The following KLHL29 variants were observed in gnomAD, a reference collection of about 807,000 sequenced individuals.
The protein encoded by KLHL29 is kelch like family member 29.
Under a neutral mutation model 80.4 loss-of-function variants are expected in KLHL29, and 21 were observed. That is an observed-to-expected ratio of 0.26 (90% CI 0.19 to 0.38). KLHL29 has a LOEUF of 0.38. Among genes scored for constraint, KLHL29 ranks in the 10% least tolerant of loss-of-function variants. The probability of loss-of-function intolerance (pLI) is 1.00; values close to 1 mark genes in which losing one functional copy is unlikely to be tolerated. For missense variants in KLHL29, 867 were observed against 1,223.9 expected (o/e 0.71, Z 4.35); for synonymous variants, 511 against 526.8 (o/e 0.97, Z 0.41).
In KLHL29 at chr2:23,642,905, C is replaced by T. The variant is rs537270528; in HGVS notation, c.940+55C>T. ...GGGCCTGCGTCTGCACCTCCCTGCG[C>T]GGTCACTGCAACACCACCGGGACAG... is the stretch of plus-strand genomic sequence containing the variant. On this transcript the variant is annotated intron_variant, in intron 5 of 13. Transcript: ENST00000486442. 132 of 1,540,502 alleles carry T rather than the reference C, an allele frequency of 8.6e-5. 1 individual carries two copies. Among genetic ancestry groups the T allele is most frequent in the East Asian group, 3.2e-4 (13 of 40,850 alleles).
At chr2:23,643,561 C>A (rs1669837010) in intron 5 of KLHL29, 1 of 161,342 alleles carries the variant, frequency 6.2e-6, no homozygotes, top group Admixed American at 5.7e-5. Context: ...GCGTGCTAGA[C>A]ATGGTCCTAG....
Position 23,687,248 on chromosome 2 carries a change from C to T in KLHL29, c.1079+2711C>T, listed in dbSNP as rs1455530758. Reference sequence around the variant, plus strand: ...CCGTGGGGATCAACATTGGCCCTCCCTGGGTGAGCCCTGCCAGGGGCAGGT... The same window carrying T: ...CCGTGGGGATCAACATTGGCCCTCCTTGGGTGAGCCCTGCCAGGGGCAGGT... On this transcript the variant is annotated intron_variant, in intron 6 of 13. Coordinates refer to ENST00000486442, the MANE Select transcript of KLHL29 (RefSeq NM_052920.2). Among the ~76,000 whole-genome samples the T allele has an allele frequency of 3.3e-5, 5 of 152,222 alleles. No homozygotes were observed. In the East Asian group the frequency reaches 9.7e-4, roughly 30 times the overall value.
chr2:23,648,124 A>T (rs954360447), intron 5 of KLHL29, among the ~76,000 whole-genome samples: 1 of 151,492 alleles, frequency 6.6e-6, no homozygotes, highest in Non-Finnish European at 1.5e-5. Flanking sequence ...CCGACACCTG[A>T]CCCACGCCTC....
intron 6 of KLHL29, among the ~76,000 whole-genome samples, chr2:23,685,894 C>T (rs1192346210): frequency 1.3e-5 from 2 of 152,192 alleles, no homozygotes; most frequent in Non-Finnish European, 2.9e-5. Context: ...GGGCCTGGCT[C>T]CAAACCAGCT....
rs73919778 is a variant in KLHL29, at chr2:23,595,672, G to A, written c.285+33191G>A. Among the ~76,000 whole-genome samples, 974 of 152,264 alleles carry A rather than the reference G, an allele frequency of 6.4e-3. 6 individuals carry two copies. The highest frequency in any genetic ancestry group is 0.022 in the African/African-American group (923 of 41,558). On this transcript the variant is annotated intron_variant, in intron 3 of 13. Transcript: ENST00000486442. Reference sequence around the variant, plus strand: ...GAGGGGAGCAGTGTCCTGGTCACTTGGGGGGCAGAGGACGTGACCTCCTAG... The same window carrying A: ...GAGGGGAGCAGTGTCCTGGTCACTTAGGGGGCAGAGGACGTGACCTCCTAG...
Position 23,669,231 on chromosome 2 carries a change from A to G in KLHL29, c.941-15168A>G, listed in dbSNP as rs1029274490. 1.3e-5 allele frequency: 2 copies of G among 152,288 alleles called. No individual in the cohort carries two copies. Among genetic ancestry groups the G allele is most frequent in the African/African-American group, 4.8e-5 (2 of 41,456 alleles). The allele number at this position is 152,288 out of a possible 1,614,324, so 9.4% of individuals were successfully genotyped here. A position where few individuals can be genotyped will look rare whatever the true frequency, so the allele number is the denominator to read the frequency against. ...ACCTCTCTGCCCCTGCTGGGTGCTCAGTGCTGGGAGTCCCTGTCCATGAGC... is the reference window on the plus strand; with the variant it reads ...ACCTCTCTGCCCCTGCTGGGTGCTCGGTGCTGGGAGTCCCTGTCCATGAGC... On this transcript the variant is annotated intron_variant, in intron 5 of 13. Transcript: ENST00000486442. The surrounding 1 kb of genome is among the most constrained non-coding windows in gnomAD (Gnocchi z 4.3).
At chr2:23,506,001 G>A (rs1407771208) in intron 2 of KLHL29, among the ~76,000 whole-genome samples, 1 of 152,184 alleles carries the variant, frequency 6.6e-6, no homozygotes, top group African/African-American at 2.4e-5. Context: ...CGATCATGCA[G>A]CCCAGAGCCC....
Position 23,695,734 on chromosome 2 carries a change from C to T in KLHL29, c.1654C>T (p.Leu552=), listed in dbSNP as rs1671911597. 6.4e-7 allele frequency: 1 copy of T among 1,551,638 alleles called. No homozygotes were observed. Among genetic ancestry groups the T allele is most frequent in the Non-Finnish European group, 8.7e-7 (1 of 1,146,990 alleles). The change falls in exon 9 of 14, where the codon CTG becomes TTG. Residue 552 remains leucine (L), a synonymous_variant. Coordinates refer to ENST00000486442, the MANE Select transcript of KLHL29 (RefSeq NM_052920.2). This position sits in a 1 kb window ranked among gnomAD's most constrained non-coding sequence, Gnocchi z 7.6. ...LIKSSEACRD[L]VNEAKRYHML... is the part of the protein sequence containing the mutation. ...CAAGTCATCAGAAGCCTGCCGGGAC[C>T]TGGTGAACGAGGCCAAACGCTACCA...
chr2:23,457,139 C>T lies in KLHL29; in HGVS notation c.-153-18421C>T, dbSNP rs1273105323. On this transcript the variant is annotated intron_variant, in intron 1 of 13. Coordinates refer to ENST00000486442, the MANE Select transcript of KLHL29 (RefSeq NM_052920.2). The surrounding 1 kb of genome is among the most constrained non-coding windows in gnomAD (Gnocchi z 4.3). ...CGCCGGGGACTGGAGCTAGAGGCAT[C>T]TGGTGACAGGAACAGGAGGAGGTTA... Among the ~76,000 whole-genome samples the T allele has an allele frequency of 6.6e-6, 1 of 152,218 alleles. No individual in the cohort carries two copies. Among genetic ancestry groups the T allele is most frequent in the Non-Finnish European group, 1.5e-5 (1 of 68,038 alleles).
At chr2:23,420,640 T>C (rs1662772579) in intron 1 of KLHL29, among the ~76,000 whole-genome samples, 1 of 152,190 alleles carries the variant, frequency 6.6e-6, no homozygotes. Flanking sequence ...TGAGCTTAGC[T>C]AACTGCCCCT....
intron 1 of KLHL29, among the ~76,000 whole-genome samples, chr2:23,428,032 G>A (rs1465032043): frequency 6.6e-6 from 1 of 152,192 alleles, no homozygotes; most frequent in Non-Finnish European, 1.5e-5. Context: ...ATCAGCATGC[G>A]TGAAAACTCA....
At chr2:23,617,751 A>G (rs1455388547) in intron 3 of KLHL29, 1 of 152,244 alleles carries the variant, frequency 6.6e-6, no homozygotes, top group South Asian at 2.1e-4. Flanking sequence ...AGGAAAGGTT[A>G]CAGCTTTTCC....
chr2:23,480,707 C>G (rs58018202), intron 2 of KLHL29, among the ~76,000 whole-genome samples: 4,028 of 152,262 alleles, frequency 0.026, 177 homozygotes, highest in African/African-American at 0.09. Context: ...TTTGTCTCAT[C>G]TTTCAGTTCC....
At position 23,418,897 on chromosome 2, in the gene KLHL29, G is replaced by A. The variant is rs1662691432; in HGVS notation, c.-154+33117G>A. On this transcript the variant is annotated intron_variant, in intron 1 of 13. Transcript: ENST00000486442. ...CCCTTCCCTGCCCCTTAGTGCCCAT[G>A]TTAGGCTTGACTTATTGGCACATGA... Among the ~76,000 whole-genome samples the A allele has an allele frequency of 2.6e-5, 4 of 152,130 alleles. No individual in the cohort carries two copies. The South Asian group carries it at 8.3e-4, about 32-fold the overall frequency.
chr2:23,579,291 G>A (rs2103508032), intron 3 of KLHL29, among the ~76,000 whole-genome samples: 1 of 152,260 alleles, frequency 6.6e-6, no homozygotes, highest in East Asian at 1.9e-4. Context: ...ATGGAAACGG[G>A]GCTTGAACTC....
intron 1 of KLHL29, among the ~76,000 whole-genome samples, chr2:23,430,844 C>T (rs908122887): frequency 6.6e-6 from 1 of 152,140 alleles, no homozygotes; most frequent in Admixed American, 6.5e-5. Flanking sequence ...ATGGTAAAAC[C>T]GAGGCCCAGA....
chr2:23,482,826 CTCATTCATTCATTCATTCATTCAT>C (rs55692243), intron 2 of KLHL29, among the ~76,000 whole-genome samples: 11 of 150,412 alleles, frequency 7.3e-5, no homozygotes, highest in African/African-American at 2.0e-4. Flanking sequence ...GCAACGCTCA[CTCATTCATTCATTCATTCATTCAT>C]TCATTCATTC....
chr2:23,404,510 T>C (rs949821654), intron 1 of KLHL29, among the ~76,000 whole-genome samples: 2 of 152,218 alleles, frequency 1.3e-5, no homozygotes, highest in Admixed American at 1.3e-4. Context: ...TTCTCTGGAA[T>C]AACCACATTT....
At chr2:23,527,882 G>A (rs1387539362) in intron 2 of KLHL29, among the ~76,000 whole-genome samples, 7 of 152,170 alleles carry the variant, frequency 4.6e-5, no homozygotes, top group Non-Finnish European at 8.8e-5. Flanking sequence ...CCAACCAAAC[G>A]TAGACATCAG....
Sources: gnomAD v4.1 joint callset for allele counts (sites outside exome capture counted in the v4.1 genomes callset) on GRCh38, gnomAD v4.1.1 for gene constraint, Gnocchi (gnomAD v3.1) non-coding constraint, MANE v1.5 for transcripts, NCBI Gene and HGNC (gene_info 2026-07-23, HGNC 2026-07-21) for gene names.